LINGO1: variants seen among roughly 807,000 people sequenced by gnomAD.
The protein encoded by LINGO1 is leucine rich repeat and Ig domain containing 1, also known as leucine-rich repeat and immunoglobulin-like domain-containing nogo receptor-interacting protein 1.
LINGO1 carries 11 observed loss-of-function variants against 37.3 expected under a neutral mutation model. The ratio of observed to expected loss-of-function variants is 0.29; its 90% confidence interval spans 0.19 to 0.49. The LOEUF (loss-of-function observed/expected upper bound fraction) is 0.49, where lower values mean the gene tolerates loss of function less well. Ranked by LOEUF, LINGO1 falls within the 20% of genes least tolerant of loss-of-function variation. LINGO1 has a pLI of 0.99. For synonymous variants in LINGO1, 387 were observed against 403.0 expected, an observed-to-expected ratio of 0.96 and a Z score of 0.48; for missense variants, 585 against 878.2, an observed-to-expected ratio of 0.67 and a Z score of 4.22.
rs1037927509 is a variant in LINGO1 at position 77,695,337 on chromosome 15, C to T, written c.-281+1054G>A. ...CAGTTATGGGGTGGGAGGGAGAAGG[C>T]GACACAAAGAAAGGATAAAGAGAGC... is the stretch of plus-strand genomic sequence containing the variant. On this transcript the variant is annotated intron_variant, in intron 1 of 3. Coordinates refer to the LINGO1 transcript ENST00000559893. 1.2e-4 allele frequency among the ~76,000 whole-genome samples: 19 copies of T among 152,012 alleles called. 1 individual carries two copies. The highest frequency in any genetic ancestry group is 1.2e-3 in the South Asian group (6 of 4,804).
intron 2 of LINGO1, among the ~76,000 whole-genome samples, chr15:77,704,949 CACCAGAG>C (rs2075831290): frequency 6.6e-6 from 1 of 152,128 alleles, no homozygotes; most frequent in Admixed American, 6.5e-5. Context: ...GCCCAGTTTG[CACCAGAG>C]ACCAGTGTCA....
In LINGO1 at chr15:77,615,962, C is replaced by T. The variant is rs74025316; in HGVS notation, c.7-62G>A. The T allele has an allele frequency of 6.0e-3, 7,037 of 1,174,152 alleles. 299 individuals are homozygous for T. The African/African-American group carries it at 0.091, about 15-fold the overall frequency. 72.7% of individuals were successfully genotyped at this position (1,174,152 alleles called of 1,614,324 possible). A position where few individuals can be genotyped will look rare whatever the true frequency, so the allele number is the denominator to read the frequency against. On this transcript the variant is annotated intron_variant, in intron 1 of 1. Coordinates refer to ENST00000355300, the MANE Select transcript of LINGO1 (RefSeq NM_032808.7). The stretch of plus-strand genomic sequence containing the variant: ...TTAGGGGGCAGTGTGTGTCTGGATG[C>T]CACCCCAAGCCACCTGGGCCCCTCC...
chr15:77,657,616 C>G (rs935096469), intron 3 of LINGO1, among the ~76,000 whole-genome samples: 1 of 152,174 alleles, frequency 6.6e-6, no homozygotes, highest in African/African-American at 2.4e-5. Context: ...CAAGGTCACA[C>G]AGCGAGCCTG....
intron 3 of LINGO1, chr15:77,648,321 C>T (rs545968050): frequency 7.2e-4 from 116 of 161,958 alleles, no homozygotes; most frequent in Non-Finnish European, 1.3e-3. Flanking sequence ...AAAACTGAGG[C>T]TCAAAGAAGG....
At chr15:77,637,716 T>G (rs2074422952), upstream of LINGO1, among the ~76,000 whole-genome samples, 1 of 152,094 alleles carries the variant, frequency 6.6e-6, no homozygotes, top group South Asian at 2.1e-4. This position sits in a 1 kb window ranked among gnomAD's most constrained non-coding sequence, Gnocchi z 4.6. Flanking sequence ...TAGCCTAAGG[T>G]CCCTTTCAGC....
chr15:77,774,648 G>A (rs1184701834), intron 1 of LINGO1, among the ~76,000 whole-genome samples: 1 of 152,092 alleles, frequency 6.6e-6, no homozygotes, highest in African/African-American at 2.4e-5. Context: ...ACCACACAGA[G>A]CCCATCAGCC....
chr15:77,620,017 AC>A (rs1441096858), intron 1 of LINGO1, among the ~76,000 whole-genome samples: 1 of 152,000 alleles, frequency 6.6e-6, no homozygotes, highest in African/African-American at 2.4e-5. Flanking sequence ...CTGGTCTCCC[AC>A]CCCCATGGGG....
intron 2 of LINGO1, among the ~76,000 whole-genome samples, chr15:77,711,478 GCTTC>G (rs2075917436): frequency 6.6e-6 from 1 of 152,158 alleles, no homozygotes; most frequent in African/African-American, 2.4e-5. Context: ...CCTGCATCCT[GCTTC>G]CTTCATGAGG....
intron 2 of LINGO1, among the ~76,000 whole-genome samples, chr15:77,708,783 T>C (rs1452940580): frequency 1.3e-5 from 2 of 152,184 alleles, no homozygotes; most frequent in African/African-American, 4.8e-5. Context: ...TGGGCACCTG[T>C]AATCCCAGCT....
intron 1 of LINGO1, among the ~76,000 whole-genome samples, chr15:77,741,689 C>T (rs2076266162): frequency 6.6e-6 from 1 of 152,238 alleles, no homozygotes; most frequent in South Asian, 2.1e-4. Flanking sequence ...AGCTTCCCGC[C>T]TCAGCTTCCC....
intron 3 of LINGO1, chr15:77,648,003 T>C (rs2074675013): frequency 1.3e-5 from 6 of 448,058 alleles, no homozygotes; most frequent in Admixed American, 2.4e-5. Context: ...CCTCCCTCTC[T>C]CTGGGCTTTG....
intron 1 of LINGO1, among the ~76,000 whole-genome samples, chr15:77,753,654 G>A (rs190988621): frequency 6.6e-6 from 1 of 152,280 alleles, no homozygotes; most frequent in East Asian, 1.9e-4. Flanking sequence ...GGTGGAGGAG[G>A]GTCAGCCTCA....
intron 1 of LINGO1, among the ~76,000 whole-genome samples, chr15:77,764,065 A>G (rs2076503655): frequency 6.6e-6 from 1 of 152,346 alleles, no homozygotes; most frequent in South Asian, 2.1e-4. Context: ...GAGGGTGTCA[A>G]GGATCAAGTA....
intron 2 of LINGO1, among the ~76,000 whole-genome samples, chr15:77,794,781 G>A (rs1469303167): frequency 4.0e-5 from 6 of 151,636 alleles, no homozygotes; most frequent in Admixed American, 6.6e-5. Context: ...TAGTAGAGAC[G>A]GGGTTTTACC....
In LINGO1 at chr15:77,775,865, C is replaced by T. The variant is rs76237404; in HGVS notation, c.-257+11004G>A. ...TCCCCAAACCCCACACAGCAGCGGG[C>T]ACCCCACTGCCCCACACACACGCAG... is the stretch of plus-strand genomic sequence containing the variant. On this transcript the variant is annotated intron_variant, in intron 1 of 3. Transcript: ENST00000561686. Among the ~76,000 whole-genome samples, 1,035 of 152,288 alleles carry T rather than the reference C, an allele frequency of 6.8e-3. 16 individuals carry two copies. Among genetic ancestry groups the T allele is most frequent in the African/African-American group, 0.024 (990 of 41,542 alleles).
At chr15:77,643,148 C>T (rs2074547621) in intron 3 of LINGO1, among the ~76,000 whole-genome samples, 1 of 152,220 alleles carries the variant, frequency 6.6e-6, no homozygotes, top group African/African-American at 2.4e-5. Flanking sequence ...CTGTCACCCG[C>T]TTATCAGGGT....
rs552063427 is a variant in LINGO1, at chr15:77,806,834, G to A, written c.-457-10781C>T. Among the ~76,000 whole-genome samples the A allele has an allele frequency of 5.3e-5, 8 of 152,128 alleles. No individual in the cohort carries two copies. The East Asian group carries it at 9.7e-4, about 18-fold the overall frequency. Reference sequence around the variant, plus strand: ...CTATCCTCCCATCTCCCCCCAGGCCGTGGTGACCAGCCTCCCAGCCAGCAT... The same window carrying A: ...CTATCCTCCCATCTCCCCCCAGGCCATGGTGACCAGCCTCCCAGCCAGCAT... On this transcript the variant is annotated intron_variant, in intron 1 of 5. Coordinates refer to the LINGO1 transcript ENST00000562933.
chr15:77,779,495 A>T (rs1292197016), intron 1 of LINGO1, among the ~76,000 whole-genome samples: 3 of 152,060 alleles, frequency 2.0e-5, no homozygotes, highest in African/African-American at 7.2e-5. Context: ...CTGCAACTAG[A>T]TTGTCCCATC....
At chr15:77,817,604 G>A (rs1000387400) in intron 1 of LINGO1, among the ~76,000 whole-genome samples, 2 of 152,148 alleles carry the variant, frequency 1.3e-5, no homozygotes, top group Non-Finnish European at 2.9e-5. Context: ...AGGGTCAAAA[G>A]GTCCCACAGG....
Sources: allele counts gnomAD v4.1 joint callset (sites outside exome capture counted in the v4.1 genomes callset), GRCh38; gene constraint gnomAD v4.1.1; non-coding constraint Gnocchi (gnomAD v3.1); transcripts MANE v1.5; gene names NCBI Gene and HGNC (gene_info 2026-07-23, HGNC 2026-07-21).